RUNX1T1: variants seen among roughly 807,000 people sequenced by gnomAD.
RUNX1T1 encodes RUNX1 partner transcriptional co-repressor 1, also known as protein CBFA2T1.
Under a neutral mutation model 62.8 loss-of-function variants are expected in RUNX1T1, and 4 were observed. That is an observed-to-expected ratio of 0.06 (90% CI 0.03 to 0.15). The LOEUF (loss-of-function observed/expected upper bound fraction) is 0.15. Ranked by LOEUF, RUNX1T1 falls within the 10% of genes least tolerant of loss-of-function variation. The probability of loss-of-function intolerance (pLI) is 1.00; values close to 1 mark genes in which losing one functional copy is unlikely to be tolerated. For missense variants in RUNX1T1, 508 were observed against 754.3 expected (o/e 0.67, Z 3.82); for synonymous variants, 291 against 286.0 (o/e 1.02, Z -0.18).
chr8:92,086,003 T>C (rs918495170), intron 1 of RUNX1T1, among the ~76,000 whole-genome samples: 4 of 152,238 alleles, frequency 2.6e-5, no homozygotes, highest in South Asian at 2.1e-4. Context: ...TTTTAATGCA[T>C]TTTTTGTTCT....
In RUNX1T1 at chr8:92,096,760, G is replaced by T. The variant is rs142640736; in HGVS notation, c.-86+2820C>A. Among the ~76,000 whole-genome samples, 189 of 152,166 alleles carry T rather than the reference G, an allele frequency of 1.2e-3. 2 individuals are homozygous for T. The highest frequency in any genetic ancestry group is 4.3e-3 in the African/African-American group (179 of 41,520). ...GGTTATAAAATAGTTTTATGCAGGGGGTCTCCCTAGAAAGGAATAAAATGG... is the reference window on the plus strand; with the variant it reads ...GGTTATAAAATAGTTTTATGCAGGGTGTCTCCCTAGAAAGGAATAAAATGG... On this transcript the variant is annotated intron_variant, in intron 1 of 11. Coordinates refer to the RUNX1T1 transcript ENST00000265814.
chr8:92,095,159 T>C (rs574209517), intron 1 of RUNX1T1: 2 of 1,535,408 alleles, frequency 1.3e-6, no homozygotes, highest in East Asian at 2.4e-5. Flanking sequence ...TAAATGTAAA[T>C]TCTCTCCGCC....
chr8:92,072,925 T>G (rs1833899709), intron 2 of RUNX1T1, among the ~76,000 whole-genome samples: 1 of 152,240 alleles, frequency 6.6e-6, no homozygotes. Context: ...AATACAAATG[T>G]GGCTTTTGAA....
At chr8:91,981,114 T>C (rs1265230884) in intron 8 of RUNX1T1, among the ~76,000 whole-genome samples, 4 of 152,202 alleles carry the variant, frequency 2.6e-5, no homozygotes, top group South Asian at 2.1e-4. Context: ...ACCATCCCCA[T>C]TTTACACGAG....
At chr8:92,034,523 C>T (rs183437360) in intron 1 of RUNX1T1, among the ~76,000 whole-genome samples, 347 of 151,996 alleles carry the variant, frequency 2.3e-3, no homozygotes, top group Middle Eastern at 0.014. Flanking sequence ...TAATTGAGAA[C>T]GAAAGATATG....
At chr8:92,040,496 G>C (rs1455833390) in intron 1 of RUNX1T1, among the ~76,000 whole-genome samples, 1 of 152,106 alleles carries the variant, frequency 6.6e-6, no homozygotes, top group African/African-American at 2.4e-5. Flanking sequence ...CTGCTGTTAA[G>C]TCAAAGAACA....
chr8:92,025,821 G>A (rs1046281294), intron 1 of RUNX1T1, among the ~76,000 whole-genome samples: 4 of 152,104 alleles, frequency 2.6e-5, no homozygotes, highest in Admixed American at 1.3e-4. Flanking sequence ...TTTATATTCT[G>A]GAAAAATTAA....
At chr8:92,081,822 T>G (rs1835318959) in intron 1 of RUNX1T1, among the ~76,000 whole-genome samples, 2 of 152,142 alleles carry the variant, frequency 1.3e-5, no homozygotes, top group African/African-American at 4.8e-5. Context: ...TTTCCCCCTT[T>G]CCTCTCTTCC....
chr8:92,014,593 C>A (rs150721308), exon 3 of RUNX1T1: 1 of 1,605,576 alleles, frequency 6.2e-7, no homozygotes, highest in Non-Finnish European at 8.5e-7. Context: ...AGTCCCAGAA[C>A]GAGGGTGCGA....
At chr8:91,957,013 T>C, downstream of RUNX1T1, 1 of 212,924 alleles carries the variant, frequency 4.7e-6, no homozygotes. Flanking sequence ...CAGGTGGCCC[T>C]GTCACACACA....
chr8:91,967,519 T>C (rs1811900875), intron 10 of RUNX1T1, among the ~76,000 whole-genome samples: 1 of 152,170 alleles, frequency 6.6e-6, no homozygotes, highest in Non-Finnish European at 1.5e-5. Context: ...TCAGAACCAC[T>C]GTTTTTTCTA....
chr8:91,996,435 T>C (rs930871898), intron 5 of RUNX1T1, among the ~76,000 whole-genome samples: 2 of 152,140 alleles, frequency 1.3e-5, no homozygotes, highest in African/African-American at 4.8e-5. Flanking sequence ...TATCCTGACC[T>C]CGCGATCCGC....
At chr8:92,087,004 C>G (rs985758164) in intron 1 of RUNX1T1, among the ~76,000 whole-genome samples, 1 of 152,166 alleles carries the variant, frequency 6.6e-6, no homozygotes, top group African/African-American at 2.4e-5. Flanking sequence ...TTTTGCCTAG[C>G]TCAATTTTTA....
chr8:92,021,266 T>A (rs1009304609), intron 1 of RUNX1T1, among the ~76,000 whole-genome samples: 3 of 152,152 alleles, frequency 2.0e-5, no homozygotes, highest in African/African-American at 7.2e-5. Flanking sequence ...TCAAGGTGGG[T>A]ATAGAACTTT....
At chr8:92,048,514 C>G (rs1478863837) in intron 1 of RUNX1T1, among the ~76,000 whole-genome samples, 2 of 150,732 alleles carry the variant, frequency 1.3e-5, no homozygotes, top group Non-Finnish European at 2.9e-5. Context: ...CCCCATCTCT[C>G]TTTTTAAAAA....
chr8:91,998,235 T>C (rs1261218281), intron 5 of RUNX1T1, among the ~76,000 whole-genome samples: 1 of 152,178 alleles, frequency 6.6e-6, no homozygotes, highest in Non-Finnish European at 1.5e-5. Flanking sequence ...AATAAGGTAT[T>C]GAAACAAAAT....
intron 1 of RUNX1T1, among the ~76,000 whole-genome samples, chr8:92,059,716 GC>G (rs1391944173): frequency 6.6e-6 from 1 of 152,162 alleles, no homozygotes; most frequent in Non-Finnish European, 1.5e-5. Context: ...AAAAATTACA[GC>G]CAGTTAAGTT....
intron 1 of RUNX1T1, among the ~76,000 whole-genome samples, chr8:92,096,585 G>A (rs547374608): frequency 6.6e-6 from 1 of 152,272 alleles, no homozygotes; most frequent in East Asian, 1.9e-4. Context: ...TGGGGGAGGG[G>A]AAGTATTTGG....
downstream of RUNX1T1, chr8:91,956,477 G>T (rs193198164): frequency 3.5e-5 from 8 of 226,986 alleles, no homozygotes; most frequent in East Asian, 5.1e-4. Flanking sequence ...GCACACCGGG[G>T]ACGAGGGAGA....
Sources: gnomAD v4.1 joint callset for allele counts (sites outside exome capture counted in the v4.1 genomes callset) on GRCh38, gnomAD v4.1.1 for gene constraint, MANE v1.5 for transcripts, NCBI Gene and HGNC (gene_info 2026-07-23, HGNC 2026-07-21) for gene names.